MSH6: variants seen among roughly 807,000 people sequenced by gnomAD.
MSH6 encodes the protein DNA mismatch repair protein Msh6.
Under a neutral mutation model 119.1 loss-of-function variants are expected in MSH6, and 85 were observed. The observed-to-expected ratio is 0.71, with a 90% CI of 0.60 to 0.85. MSH6 has a LOEUF of 0.85. MSH6 is among the 40% of genes least tolerant of loss of function. The probability of loss-of-function intolerance (pLI) is 0.00; values close to 1 mark genes in which losing one functional copy is unlikely to be tolerated. For synonymous variants in MSH6, 830 were observed against 586.9 expected (o/e 1.41, Z -5.99); for missense variants, 2,163 against 1,655.3 (o/e 1.31, Z -5.32).
downstream of MSH6, chr2:47,809,431 T>C (rs1402021369): frequency 5.9e-6 from 4 of 681,096 alleles, no homozygotes; most frequent in East Asian, 1.1e-4. Context: ...GAATTTTCCT[T>C]GTATAAGATA....
intron 4 of MSH6, among the ~76,000 whole-genome samples, chr2:47,802,074 G>T (rs1362113266): frequency 2.0e-5 from 3 of 152,146 alleles, no homozygotes; most frequent in Non-Finnish European, 2.9e-5. Context: ...TACACTATCT[G>T]TTGATCCAAC....
At chr2:47,790,405 G>T (rs536016463) in intron 1 of MSH6, among the ~76,000 whole-genome samples, 1 of 152,330 alleles carries the variant, frequency 6.6e-6, no homozygotes, top group South Asian at 2.1e-4. Context: ...TTTGTAGGGG[G>T]AGGGTAATAG....
At chr2:47,788,570 CTTTTTT>C (rs531963943) in intron 1 of MSH6, among the ~76,000 whole-genome samples, 2 of 104,870 alleles carry the variant, frequency 1.9e-5, no homozygotes, top group Non-Finnish European at 3.9e-5. Flanking sequence ...TTTTCTTTTT[CTTTTTT>C]TTTTTTTTTT....
intron 1 of MSH6, among the ~76,000 whole-genome samples, chr2:47,786,523 C>CG (rs61372753): frequency 1 from 152,020 of 152,028 alleles, 76,006 homozygotes; most frequent in Middle Eastern, 1. Context: ...ATAGTAGAGA[C>CG]GGGTTTCACC....
chr2:47,786,696 G>A (rs1216500119), intron 1 of MSH6, among the ~76,000 whole-genome samples: 1 of 151,868 alleles, frequency 6.6e-6, no homozygotes, highest in South Asian at 2.1e-4. Flanking sequence ...TTCTTGTGCT[G>A]AAGTGTTTGT....
chr2:47,806,978 A>G (rs1489161215), downstream of MSH6: 1 of 803,384 alleles, frequency 1.2e-6, no homozygotes, highest in African/African-American at 1.7e-5. Flanking sequence ...TCTTTCTAGG[A>G]AATTAAACCC....
chr2:47,799,953 A>G lies in MSH6; in HGVS notation c.1970A>G (p.Gln657Arg), dbSNP rs1459883720. ...LSDGIGVMLP[Q>R]VLKGMTSESD... The stretch of plus-strand genomic sequence containing the variant: ...GATGGCATTGGGGTGATGTTACCCC[A>G]GGTGCTTAAAGGTATGACTTCAGAG... The change falls in exon 4 of 10, where the codon CAG becomes CGG. Residue 657 changes from glutamine to arginine, a missense_variant. Gln to Arg is a conservative substitution (Grantham distance 43). Coordinates refer to ENST00000234420, the MANE Select transcript of MSH6 (RefSeq NM_000179.3). 3 of 1,614,212 alleles carry G rather than the reference A, an allele frequency of 1.9e-6. No homozygotes were observed. Among genetic ancestry groups the G allele is most frequent in the Admixed American group, 3.3e-5 (2 of 60,032 alleles).
intron 1 of MSH6, among the ~76,000 whole-genome samples, chr2:47,786,337 ATT>A (rs111440524): frequency 2.1e-5 from 3 of 144,126 alleles, no homozygotes; most frequent in African/African-American, 2.5e-5. Flanking sequence ...TGTTGAGCGT[ATT>A]TTTTTTTTTT....
rs2104336982 is a variant in MSH6 at position 47,799,316 on chromosome 2, A to G, written c.1333A>G (p.Ser445Gly). ...CCACATGGATGCTCTTATTGGAGTC[A>G]GTGAACTGGGGCTGGTATTCATGAA... ...LYHMDALIGV[S>G]ELGLVFMKGN... Residue 445 changes from serine (S) to glycine (G), a missense_variant, in exon 4 of 10, where the codon AGT becomes GGT. Ser to Gly is a moderately conservative substitution (Grantham distance 56, BLOSUM62 0). Coordinates refer to ENST00000234420, the MANE Select transcript of MSH6 (RefSeq NM_000179.3). 1.2e-6 allele frequency: 2 copies of G among 1,613,952 alleles called. No homozygotes were observed. Among genetic ancestry groups the G allele is most frequent in the Non-Finnish European group, 1.7e-6 (2 of 1,180,018 alleles).
chr2:47,790,134 T>G (rs1484170575), intron 1 of MSH6, among the ~76,000 whole-genome samples: 3 of 152,210 alleles, frequency 2.0e-5, no homozygotes, highest in African/African-American at 2.4e-5. Context: ...TAAAAATACT[T>G]TATTTGGCCA....
At chr2:47,798,555 C>CA in intron 3 of MSH6, 56 bp from the exon 4 acceptor site, 2 of 1,577,550 alleles carry the variant, frequency 1.3e-6, no homozygotes, top group South Asian at 2.2e-5. Flanking sequence ...AACTGTCTTA[C>CA]ATTATGGTTT....
chr2:47,801,370 T>TTTTTTTTTTTG (rs1669583796), intron 4 of MSH6: 1 of 468,464 alleles, frequency 2.1e-6, no homozygotes, highest in Non-Finnish European at 3.7e-6. Context: ...AGTTTTTTTT[T>TTTTTTTTTTTG]TTTTTTTTTT....
At chr2:47,807,705 TCA>T (rs1670321629), downstream of MSH6, 1 of 234,184 alleles carries the variant, frequency 4.3e-6, no homozygotes. Flanking sequence ...AAGTGCTAGC[TCA>T]CATTTTTACC....
Position 47,783,349 on chromosome 2 carries a change from G to A in MSH6, c.116G>A (p.Gly39Glu), listed in dbSNP as rs1042821. Residue 39 changes from glycine to glutamate, a missense_variant, in exon 1 of 10, where the codon GGG (glycine) becomes GAG (glutamate). Transcript: ENST00000234420. ...REGGRAAAAP[G>E]ASPSPGGDAA... Reference sequence around the variant, plus strand: ...GGCGGCCGTGCCGCCGCTGCCCCCGGGGCCTCTCCTTCCCCAGGCGGGGAT... The same window carrying A: ...GGCGGCCGTGCCGCCGCTGCCCCCGAGGCCTCTCCTTCCCCAGGCGGGGAT... 0.18 allele frequency: 295,940 copies of A among 1,608,126 alleles called. 28,241 individuals are homozygous for A. Among genetic ancestry groups the A allele is most frequent in the East Asian group, 0.28 (12,430 of 44,596 alleles).
intron 4 of MSH6, among the ~76,000 whole-genome samples, chr2:47,801,806 A>T (rs892659244): frequency 6.6e-6 from 1 of 151,030 alleles, no homozygotes; most frequent in Non-Finnish European, 1.5e-5. Context: ...GCCCTGCTTT[A>T]TTTTTTTGGT....
chr2:47,800,788 T>C lies in MSH6; in HGVS notation c.2805T>C (p.Ser935=), dbSNP rs2104424937. ...GLITPKAGFD[S]DYDQALADIR... ...TTACTCCCAAAGCAGGCTTTGACTC[T>C]GATTATGACCAAGCTCTTGCTGACA... Residue 935 remains serine, a synonymous_variant, in exon 4 of 10, where the codon TCT becomes TCC. Transcript: ENST00000234420. 2 of 1,614,134 alleles carry C rather than the reference T, an allele frequency of 1.2e-6. No individual in the cohort carries two copies. The highest frequency in any genetic ancestry group is 1.7e-6 in the Non-Finnish European group (2 of 1,180,020).
At position 47,806,540 on chromosome 2, in the gene MSH6, G is replaced by A. The variant is rs1670115084; in HGVS notation, c.3890G>A (p.Ser1297Asn). ...TTCATTAAGGGAGCTTGTCCTAAAAGCTATGGCTTTAATGCAGCAAGGCTT... is the reference window on the plus strand; with the variant it reads ...TTCATTAAGGGAGCTTGTCCTAAAAACTATGGCTTTAATGCAGCAAGGCTT... Reference protein sequence around the residue: ...YKFIKGACPKSYGFNAARLAN... With the variant: ...YKFIKGACPKNYGFNAARLAN... Residue 1297 changes from serine to asparagine, a missense_variant, in exon 9 of 10, where the codon AGC (serine) becomes AAC (asparagine). Physicochemically the swap from Ser to Asn is conservative, Grantham distance 46. Transcript: ENST00000234420. The A allele has an allele frequency of 6.2e-7, 1 of 1,613,902 alleles. No individual in the cohort carries two copies. The highest frequency in any genetic ancestry group is 1.3e-5 in the African/African-American group (1 of 74,984).
chr2:47,802,821 T>A (rs1379329477), intron 4 of MSH6, among the ~76,000 whole-genome samples: 1 of 152,156 alleles, frequency 6.6e-6, no homozygotes, highest in Non-Finnish European at 1.5e-5. Context: ...CAAAAACCAG[T>A]CTTCAGAGAT....
At chr2:47,798,248 A>G (rs1268786033) in intron 3 of MSH6, among the ~76,000 whole-genome samples, 1 of 152,200 alleles carries the variant, frequency 6.6e-6, no homozygotes, top group African/African-American at 2.4e-5. Context: ...ATATTAAGAG[A>G]ATTTACAGTA....
Sources: gnomAD v4.1 joint callset for allele counts (sites outside exome capture counted in the v4.1 genomes callset) on GRCh38, gnomAD v4.1.1 for gene constraint, MANE v1.5 for transcripts, NCBI Gene and HGNC (gene_info 2026-07-23, HGNC 2026-07-21) for gene names.